Variants in ATXN1 observed in about 807,000 individuals in gnomAD.
ATXN1 encodes ataxin 1.
ATXN1 carries 8 observed loss-of-function variants against 56.4 expected under a neutral mutation model. That is an observed-to-expected ratio of 0.14 (90% CI 0.08 to 0.26). The LOEUF (loss-of-function observed/expected upper bound fraction) is 0.26, where lower values mean the gene tolerates loss of function less well. Ranked by LOEUF, ATXN1 falls within the 10% of genes least tolerant of loss-of-function variation. The pLI, the probability that ATXN1 is intolerant of heterozygous loss-of-function variation, is 1.00. For synonymous variants in ATXN1, 514 were observed against 494.6 expected, an observed-to-expected ratio of 1.04 and a Z score of -0.52; for missense variants, 987 against 1,106.5, an observed-to-expected ratio of 0.89 and a Z score of 1.53.
intron 5 of ATXN1, among the ~76,000 whole-genome samples, chr6:16,509,283 T>G (rs1761036085): frequency 6.6e-6 from 1 of 152,208 alleles, no homozygotes; most frequent in East Asian, 1.9e-4. Context: ...TTTTCTATCC[T>G]GTCAACTACA....
chr6:16,360,192 T>C (rs1761779692), intron 6 of ATXN1, among the ~76,000 whole-genome samples: 1 of 152,222 alleles, frequency 6.6e-6, no homozygotes, highest in Admixed American at 6.5e-5. Flanking sequence ...ATCTGCTGAA[T>C]ATTAGAAGCA....
intron 4 of ATXN1, among the ~76,000 whole-genome samples, chr6:16,557,230 G>A (rs1287593069): frequency 2.0e-5 from 3 of 151,146 alleles, no homozygotes; most frequent in Middle Eastern, 6.8e-3. Context: ...GGGAGGCTAA[G>A]GCACAAGAAT....
chr6:16,679,185 T>A (rs1207760576), intron 2 of ATXN1, among the ~76,000 whole-genome samples: 1 of 148,304 alleles, frequency 6.7e-6, no homozygotes, highest in South Asian at 2.1e-4. Flanking sequence ...GAAGGATAGA[T>A]GAATGGATGG....
intron 1 of ATXN1, among the ~76,000 whole-genome samples, chr6:16,754,967 T>C (rs1467195444): frequency 1.3e-5 from 2 of 152,242 alleles, no homozygotes; most frequent in Admixed American, 1.3e-4. Context: ...AGCATCAAAA[T>C]ACTTGATTCT....
chr6:16,390,744 G>C (rs2113521086), intron 6 of ATXN1, among the ~76,000 whole-genome samples: 1 of 151,956 alleles, frequency 6.6e-6, no homozygotes, highest in African/African-American at 2.4e-5. Context: ...ACAGCAGAGA[G>C]TACACCAGAC....
chr6:16,352,209 C>G (rs1485563281), intron 6 of ATXN1, among the ~76,000 whole-genome samples: 2 of 152,176 alleles, frequency 1.3e-5, no homozygotes, highest in African/African-American at 2.4e-5. Context: ...AGCAATAAGG[C>G]AGTGACTGAG....
intron 6 of ATXN1, among the ~76,000 whole-genome samples, chr6:16,368,959 C>A (rs1402131712): frequency 1.3e-5 from 2 of 152,134 alleles, no homozygotes; most frequent in Non-Finnish European, 2.9e-5. Context: ...TAAAATATAT[C>A]CCTGGATGCT....
intron 2 of ATXN1, among the ~76,000 whole-genome samples, chr6:16,720,304 A>G (rs1244670299): frequency 1.3e-5 from 2 of 151,964 alleles, no homozygotes. Flanking sequence ...ATCCTACTCT[A>G]TTTTGGGGGG....
intron 6 of ATXN1, among the ~76,000 whole-genome samples, chr6:16,383,711 A>T (rs984904687): frequency 3.9e-5 from 6 of 152,210 alleles, no homozygotes; most frequent in African/African-American, 1.4e-4. Context: ...TCTGCCCCAA[A>T]GGGATGATGG....
In ATXN1 at chr6:16,692,803, G is replaced by A. The variant is rs1018794858; in HGVS notation, c.-614-34902C>T. Among the ~76,000 whole-genome samples the A allele has an allele frequency of 2.4e-4, 36 of 152,200 alleles. 1 individual carries two copies. Among genetic ancestry groups the A allele is most frequent in the African/African-American group, 8.2e-4 (34 of 41,446 alleles). On this transcript the variant is annotated intron_variant, in intron 2 of 7. Transcript: ENST00000436367. ...TTAGAGATGTGGAAACTGAAGCTCA[G>A]GCTAAGTAATGGGCCCAAGATCTCA...
At chr6:16,753,163 C>A in intron 2 of ATXN1, 70 bp downstream of exon 2, 6 of 447,388 alleles carry the variant, frequency 1.3e-5, no homozygotes, top group South Asian at 9.4e-5. Flanking sequence ...GGGAGCATGG[C>A]TAGGAGGCAA....
intron 4 of ATXN1, among the ~76,000 whole-genome samples, chr6:16,581,888 CAT>C (rs1158766527): frequency 1.3e-5 from 2 of 152,108 alleles, no homozygotes; most frequent in Admixed American, 1.3e-4. Context: ...ATCTTTCTAA[CAT>C]GTTTGTAGAG....
chr6:16,630,394 A>G (rs1352306747), intron 3 of ATXN1, among the ~76,000 whole-genome samples: 1 of 152,224 alleles, frequency 6.6e-6, no homozygotes, highest in Non-Finnish European at 1.5e-5. Context: ...CCATAAAAAA[A>G]TTCAAGGGCC....
At chr6:16,728,181 C>T (rs1162136761) in intron 2 of ATXN1, among the ~76,000 whole-genome samples, 1 of 152,218 alleles carries the variant, frequency 6.6e-6, no homozygotes, top group Admixed American at 6.5e-5. Context: ...GAGGCAAAGG[C>T]CTCCAGTCAC....
chr6:16,544,253 C>G (rs1172179456), intron 4 of ATXN1, among the ~76,000 whole-genome samples: 1 of 152,220 alleles, frequency 6.6e-6, no homozygotes, highest in African/African-American at 2.4e-5. Flanking sequence ...CAACGGCCTT[C>G]CTTGCATTGT....
At chr6:16,600,466 CCTCTT>C (rs1471760864) in intron 3 of ATXN1, among the ~76,000 whole-genome samples, 1 of 152,164 alleles carries the variant, frequency 6.6e-6, no homozygotes, top group South Asian at 2.1e-4. Flanking sequence ...AAATTCATCT[CCTCTT>C]AAGAGCAGCG....
intron 5 of ATXN1, among the ~76,000 whole-genome samples, chr6:16,503,937 C>A (rs1760932045): frequency 1.3e-5 from 2 of 152,158 alleles, no homozygotes; most frequent in South Asian, 4.1e-4. Context: ...ATCCACCCCC[C>A]AAACTCTTCA....
intron 2 of ATXN1, among the ~76,000 whole-genome samples, chr6:16,713,862 C>A (rs1419083395): frequency 6.6e-6 from 1 of 152,180 alleles, no homozygotes; most frequent in East Asian, 1.9e-4. Context: ...ATCGTCAAAT[C>A]TTAACTGGTC....
At chr6:16,663,579 A>C (rs1374186462) in intron 2 of ATXN1, among the ~76,000 whole-genome samples, 3 of 152,168 alleles carry the variant, frequency 2.0e-5, no homozygotes, top group African/African-American at 7.2e-5. Context: ...GGGTGGTGCA[A>C]GTATCAGTCT....
Sources: allele counts gnomAD v4.1 joint callset (sites outside exome capture counted in the v4.1 genomes callset), GRCh38; gene constraint gnomAD v4.1.1; transcripts MANE v1.5; gene names NCBI Gene and HGNC (gene_info 2026-07-23, HGNC 2026-07-21).